The following FAM168B variants were observed in gnomAD, a reference collection of about 807,000 sequenced individuals.
FAM168B encodes myelin-associated neurite-outgrowth inhibitor.
In FAM168B, 19 loss-of-function variants were observed where a neutral mutation model predicts 21.8. The observed-to-expected ratio is 0.87, with a 90% confidence interval of 0.61 to 1.28. The LOEUF (loss-of-function observed/expected upper bound fraction) is 1.28. Among genes scored for constraint, FAM168B ranks in the 50% most tolerant of loss-of-function variants. The pLI is 0.00. For missense variants in FAM168B, 233 were observed against 263.1 expected (o/e 0.89, Z 0.79); for synonymous variants, 126 against 104.8 (o/e 1.20, Z -1.24).
intron 3 of FAM168B, among the ~76,000 whole-genome samples, chr2:131,062,912 G>C (rs898815012): frequency 1.3e-5 from 2 of 152,132 alleles, no homozygotes. Context: ...AAACCAAAAA[G>C]GAACTAAACA....
chr2:131,091,634 G>A (rs536390756), intron 1 of FAM168B, among the ~76,000 whole-genome samples: 14 of 150,708 alleles, frequency 9.3e-5, no homozygotes, highest in Admixed American at 6.0e-4. Flanking sequence ...GCGACAGAGC[G>A]ACACTCCGTC....
chr2:131,070,956 A>C (rs1692843390), intron 3 of FAM168B, among the ~76,000 whole-genome samples: 1 of 152,226 alleles, frequency 6.6e-6, no homozygotes, highest in South Asian at 2.1e-4. Flanking sequence ...ACCCGGGGAA[A>C]GAAAGCTTGG....
In FAM168B at chr2:131,051,405, G is replaced by A. The variant is rs2105447351; in HGVS notation, c.*1060C>T. 1.0e-6 allele frequency: 1 copy of A among 984,106 alleles called. No homozygotes were observed. The highest frequency in any genetic ancestry group is 4.7e-5 in the South Asian group (1 of 21,248). The allele number at this position is 984,106 out of a possible 1,614,324, so 61.0% of individuals were successfully genotyped here. On this transcript the variant is annotated 3_prime_UTR_variant, in exon 7 of 7. Coordinates refer to ENST00000389915, the MANE Select transcript of FAM168B (RefSeq NM_001009993.4). ...TATACCACTTTCTTCATAACATACA[G>A]CTGAAACCTTTGCCCTTCTTTGTTG...
intron 3 of FAM168B, among the ~76,000 whole-genome samples, chr2:131,056,484 C>T (rs1022136815): frequency 6.6e-6 from 1 of 152,094 alleles, no homozygotes; most frequent in African/African-American, 2.4e-5. Context: ...CTGCTGGCCA[C>T]CAACCCGTCT....
intron 1 of FAM168B, among the ~76,000 whole-genome samples, chr2:131,085,375 G>A (rs188686714): frequency 6.6e-6 from 1 of 152,248 alleles, no homozygotes; most frequent in African/African-American, 2.4e-5. Context: ...AAAACAAGCA[G>A]GGAACAGTTG....
At chr2:131,092,429 G>T (rs934849544) in intron 1 of FAM168B, among the ~76,000 whole-genome samples, 6 of 152,128 alleles carry the variant, frequency 3.9e-5, no homozygotes, top group Admixed American at 3.9e-4. Flanking sequence ...ATTTAATCTA[G>T]AATCTTTCAT....
chr2:131,048,164 T>C lies in FAM168B; in HGVS notation c.*4301A>G, dbSNP rs1242004629. Reference sequence around the variant, plus strand: ...AGAGAACGGTGTAAAAAACGGTATTTAAAAATCATTTTTAAAAAAACAAAA... The same window carrying C: ...AGAGAACGGTGTAAAAAACGGTATTCAAAAATCATTTTTAAAAAAACAAAA... On this transcript the variant is annotated 3_prime_UTR_variant, in exon 7 of 7. Transcript: ENST00000389915. 8.0e-7 allele frequency: 1 copy of C among 1,250,976 alleles called. No individual in the cohort carries two copies. Among genetic ancestry groups the C allele is most frequent in the Non-Finnish European group, 1.0e-6 (1 of 959,242 alleles). The allele number at this position is 1,250,976 out of a possible 1,614,324, so 77.5% of individuals were successfully genotyped here.
chr2:131,093,190 C>CGCCCGCT (rs1694128990), intron 1 of FAM168B, 24 bp downstream of exon 1: 1 of 150,570 alleles, frequency 6.6e-6, no homozygotes, highest in Non-Finnish European at 1.5e-5. Flanking sequence ...GACGCGCAGT[C>CGCCCGCT]GCCCGCTGCC....
At chr2:131,072,800 C>T (rs1692942450) in intron 2 of FAM168B, among the ~76,000 whole-genome samples, 1 of 152,162 alleles carries the variant, frequency 6.6e-6, no homozygotes, top group African/African-American at 2.4e-5. Context: ...ACTCTAATCA[C>T]ATAATTACTT....
In FAM168B at chr2:131,047,879, AAC is replaced by A. The variant is rs1242585642; in HGVS notation, c.*4584_*4585del. On this transcript the variant is annotated 3_prime_UTR_variant, in exon 7 of 7. Coordinates refer to ENST00000389915, the MANE Select transcript of FAM168B (RefSeq NM_001009993.4). ...AGAAATCATGAAAACCACAATATGCAACACAAGTCAATCTTTATTGAAAACTG... is the reference window on the plus strand; with the variant it reads ...AGAAATCATGAAAACCACAATATGCAACAAGTCAATCTTTATTGAAAACTG... 1 of 164,198 alleles carries A rather than the reference AAC, an allele frequency of 6.1e-6. No homozygotes were observed. Among genetic ancestry groups the A allele is most frequent in the Non-Finnish European group, 1.3e-5 (1 of 75,256 alleles). 10.2% of individuals were successfully genotyped at this position (164,198 alleles called of 1,614,324 possible).
chr2:131,085,094 A>AG (rs1053432983), intron 1 of FAM168B, among the ~76,000 whole-genome samples: 3 of 152,128 alleles, frequency 2.0e-5, no homozygotes, highest in Admixed American at 1.3e-4. Context: ...GTGTGGGGGT[A>AG]GGGGGGTATA....
intron 2 of FAM168B, among the ~76,000 whole-genome samples, chr2:131,077,372 A>C (rs1693210963): frequency 6.6e-6 from 1 of 152,188 alleles, no homozygotes; most frequent in Non-Finnish European, 1.5e-5. Flanking sequence ...CAGGAGCAGG[A>C]CCAGGCCGCT....
chr2:131,087,275 C>A (rs1693758464), intron 1 of FAM168B, among the ~76,000 whole-genome samples: 1 of 152,018 alleles, frequency 6.6e-6, no homozygotes. Context: ...TGGAGACCAG[C>A]CTAGCCAACA....
intron 5 of FAM168B, 138 bp from the exon 6 acceptor site, chr2:131,053,153 G>C: frequency 7.9e-7 from 1 of 1,262,020 alleles, no homozygotes; most frequent in Non-Finnish European, 1.0e-6. Context: ...GATACTGTCA[G>C]AACTCTGATT....
At chr2:131,087,371 C>G (rs1431256942) in intron 1 of FAM168B, among the ~76,000 whole-genome samples, 1 of 152,034 alleles carries the variant, frequency 6.6e-6, no homozygotes, top group Non-Finnish European at 1.5e-5. Flanking sequence ...ACACAGGAGG[C>G]TGACGCAGGA....
At chr2:131,085,346 C>T (rs1276063176) in intron 1 of FAM168B, among the ~76,000 whole-genome samples, 1 of 152,146 alleles carries the variant, frequency 6.6e-6, no homozygotes, top group East Asian at 1.9e-4. Context: ...TTCCCCACAT[C>T]CCCATTTAGA....
rs138023911 is a variant in FAM168B at position 131,056,997 on chromosome 2, T to C, written c.155-1302A>G. 1.6e-3 allele frequency among the ~76,000 whole-genome samples: 244 copies of C among 152,234 alleles called. 1 individual carries two copies. Among genetic ancestry groups the C allele is most frequent in the African/African-American group, 5.7e-3 (238 of 41,518 alleles). On this transcript the variant is annotated intron_variant, in intron 3 of 6. Transcript: ENST00000389915. ...ACAGCTGTGTATGACTGTCCAAACA[T>C]ACCAAACTGTACACTGAGAAGGATT...
In FAM168B at chr2:131,055,452, G is replaced by A. The variant is rs763421403; in HGVS notation, c.298-3C>T. 1 of 1,607,250 alleles carries A rather than the reference G, an allele frequency of 6.2e-7. No individual in the cohort carries two copies. The highest frequency in any genetic ancestry group is 8.5e-7 in the Non-Finnish European group (1 of 1,178,120). On this transcript the variant is annotated splice_polypyrimidine_tract_variant and splice_region_variant and intron_variant, in intron 4 of 6. Transcript: ENST00000389915. ...GGCTGTGTGTAGTACGTGCCTTGCTGTGGGGAGAAGAGAGACAACTGACAC... is the reference window on the plus strand; with the variant it reads ...GGCTGTGTGTAGTACGTGCCTTGCTATGGGGAGAAGAGAGACAACTGACAC...
chr2:131,070,047 C>T (rs776969440), intron 3 of FAM168B, among the ~76,000 whole-genome samples: 3 of 147,474 alleles, frequency 2.0e-5, no homozygotes, highest in Non-Finnish European at 3.0e-5. Flanking sequence ...TTAGTAGAGA[C>T]GGGGTTTCAC....
Sources: allele counts gnomAD v4.1 joint callset (sites outside exome capture counted in the v4.1 genomes callset), GRCh38; gene constraint gnomAD v4.1.1; transcripts MANE v1.5; gene names NCBI Gene and HGNC (gene_info 2026-07-23, HGNC 2026-07-21).